PARD3B: variants seen among roughly 807,000 people sequenced by gnomAD.
PARD3B encodes the protein par-3 family cell polarity regulator beta.
Under a neutral mutation model 130.2 loss-of-function variants are expected in PARD3B, and 103 were observed. The observed-to-expected ratio is 0.79, with a 90% CI of 0.67 to 0.93. PARD3B has a LOEUF of 0.93. Among genes scored for constraint, PARD3B ranks in the 40% least tolerant of loss-of-function variants. The probability of loss-of-function intolerance (pLI) is 0.00; values close to 1 mark genes in which losing one functional copy is unlikely to be tolerated. For missense variants in PARD3B, 1,609 were observed against 1,499.2 expected, an observed-to-expected ratio of 1.07 and a Z score of -1.21; for synonymous variants, 583 against 553.2, an observed-to-expected ratio of 1.05 and a Z score of -0.76.
chr2:204,759,352 C>T (rs199938741), intron 2 of PARD3B, among the ~76,000 whole-genome samples: 5 of 152,036 alleles, frequency 3.3e-5, no homozygotes, highest in Admixed American at 1.3e-4. Context: ...CTTTCCATGG[C>T]GCACCCACAG....
intron 22 of PARD3B, among the ~76,000 whole-genome samples, chr2:205,574,796 A>G (rs2053687139): frequency 1.3e-5 from 2 of 151,558 alleles, no homozygotes; most frequent in African/African-American, 4.9e-5. Context: ...GGAGATGGGG[A>G]AAGAAGGTAA....
rs200558721 is a variant in PARD3B, at chr2:205,301,691, G to A, written c.2620G>A (p.Ala874Thr). The A allele has an allele frequency of 1.9e-5, 31 of 1,613,898 alleles. No individual in the cohort carries two copies. The highest frequency in any genetic ancestry group is 1.1e-4 in the East Asian group (5 of 44,886). ...GAAAATAAAGAAGAAGGGCTTCGGC[G>A]CCATGCTGAGGTATGGGCCTGCTTT... ...ERKIKKKGFG[A>T]MLRFGKKKED... The change falls in exon 18 of 23, where the codon GCC (alanine) becomes ACC (threonine). Residue 874 changes from alanine (A) to threonine (T), a missense_variant. Transcript: ENST00000406610. This position sits in a 1 kb window ranked among gnomAD's most constrained non-coding sequence, Gnocchi z 5.2.
chr2:205,206,216 C>CTTTTTT (rs201694463), intron 15 of PARD3B, among the ~76,000 whole-genome samples: 1 of 127,890 alleles, frequency 7.8e-6, no homozygotes, highest in African/African-American at 2.9e-5. Context: ...TTTTTTTTTT[C>CTTTTTT]TTTTTTTTTT....
intron 4 of PARD3B, among the ~76,000 whole-genome samples, chr2:205,069,987 C>T (rs971461812): frequency 6.6e-6 from 1 of 152,116 alleles, no homozygotes; most frequent in African/African-American, 2.4e-5. Flanking sequence ...CTGTGATACC[C>T]CACCCTTGGC....
chr2:205,389,544 G>A (rs1044884752), intron 18 of PARD3B, among the ~76,000 whole-genome samples: 6 of 151,992 alleles, frequency 3.9e-5, no homozygotes, highest in Non-Finnish European at 5.9e-5. Context: ...TGTATTTTTA[G>A]TAGAAACAGG....
intron 20 of PARD3B, among the ~76,000 whole-genome samples, chr2:205,457,654 ATTTTT>A (rs1028414434): frequency 4.0e-5 from 6 of 151,558 alleles, no homozygotes; most frequent in Non-Finnish European, 7.4e-5. Flanking sequence ...TTTCATCTTT[ATTTTT>A]AAGGATATTT....
At chr2:204,817,688 C>T (rs1212917500) in intron 2 of PARD3B, among the ~76,000 whole-genome samples, 3 of 152,112 alleles carry the variant, frequency 2.0e-5, no homozygotes, top group Non-Finnish European at 4.4e-5. Flanking sequence ...TGAAATGTAG[C>T]TGCTTTGGAC....
chr2:205,393,411 G>C (rs1161238642), intron 18 of PARD3B, among the ~76,000 whole-genome samples: 1 of 152,182 alleles, frequency 6.6e-6, no homozygotes, highest in Non-Finnish European at 1.5e-5. Flanking sequence ...GAAGTTTGTA[G>C]GTTTTCACAT....
chr2:204,606,872 G>A lies in PARD3B; in HGVS notation c.120+60753G>A, dbSNP rs1484878784. Among the ~76,000 whole-genome samples the A allele has an allele frequency of 1.3e-5, 2 of 152,124 alleles. No homozygotes were observed. Among genetic ancestry groups the A allele is most frequent in the Non-Finnish European group, 2.9e-5 (2 of 68,014 alleles). The stretch of plus-strand genomic sequence containing the variant: ...ATCTTAAAGTAGCAGTTTTGTTTGT[G>A]TGTGTGGTTTTTCTGGGAAATATTA... On this transcript the variant is annotated intron_variant, in intron 1 of 22. Transcript: ENST00000406610. This position sits in a 1 kb window ranked among gnomAD's most constrained non-coding sequence, Gnocchi z 4.0.
At chr2:205,143,612 G>A (rs555695114) in intron 10 of PARD3B, among the ~76,000 whole-genome samples, 2 of 152,178 alleles carry the variant, frequency 1.3e-5, no homozygotes, top group Non-Finnish European at 2.9e-5. Flanking sequence ...CACGGGAGAG[G>A]AACACTTGGA....
At chr2:204,950,576 G>C (rs1024711245) in intron 2 of PARD3B, among the ~76,000 whole-genome samples, 1 of 152,138 alleles carries the variant, frequency 6.6e-6, no homozygotes, top group African/African-American at 2.4e-5. Context: ...CAGGCCATTT[G>C]TGGGGGCCTT....
intron 18 of PARD3B, among the ~76,000 whole-genome samples, chr2:205,334,525 T>C (rs2043242351): frequency 6.6e-6 from 1 of 152,210 alleles, no homozygotes; most frequent in Non-Finnish European, 1.5e-5. Context: ...AATAACATTG[T>C]AACCTCAAAG....
intron 2 of PARD3B, among the ~76,000 whole-genome samples, chr2:204,787,639 A>G (rs955581488): frequency 2.0e-4 from 31 of 152,190 alleles, no homozygotes; most frequent in African/African-American, 7.2e-4. Context: ...TAGCCAATTC[A>G]TGTTCAGGTA....
At chr2:205,109,861 C>A (rs1160518346) in intron 5 of PARD3B, among the ~76,000 whole-genome samples, 2 of 151,872 alleles carry the variant, frequency 1.3e-5, no homozygotes, top group Admixed American at 1.3e-4. Context: ...TCCATGGTGG[C>A]CAGGCTGGTC....
At chr2:205,025,793 C>A (rs7593901) in intron 3 of PARD3B, among the ~76,000 whole-genome samples, 2 of 152,018 alleles carry the variant, frequency 1.3e-5, no homozygotes, top group African/African-American at 4.8e-5. Context: ...CCCCAACCAC[C>A]GAACACGATG....
chr2:205,493,923 A>AT (rs1163350039), intron 20 of PARD3B, among the ~76,000 whole-genome samples: 9 of 150,564 alleles, frequency 6.0e-5, no homozygotes, highest in South Asian at 4.2e-4. Context: ...ATACCAGCTA[A>AT]TTTTTTTTTG....
rs2039202293 is a variant in PARD3B, at chr2:205,238,856, A to ATATATATATATATGTATGTGTG, written c.2141-6909_2141-6908insGTATGTGTGTATATATATATAT. Reference sequence around the variant, plus strand: ...GTTTCAAAAAAAAAAAAAAATATATATATATATATATATATATATATGTAT... The same window carrying ATATATATATATATGTATGTGTG: ...GTTTCAAAAAAAAAAAAAAATATATATATATATATATATGTATGTGTGTATATATATATATATATATATGTAT... On this transcript the variant is annotated intron_variant, in intron 15 of 22. Coordinates refer to ENST00000406610, the MANE Select transcript of PARD3B (RefSeq NM_001302769.2). Among the ~76,000 whole-genome samples, 2 of 80,098 alleles carry ATATATATATATATGTATGTGTG rather than the reference A, an allele frequency of 2.5e-5. 1 individual carries two copies. Among genetic ancestry groups the ATATATATATATATGTATGTGTG allele is most frequent in the African/African-American group, 1.4e-4 (2 of 13,836 alleles). The allele number at this position is 80,098 out of a possible 152,430, so 52.5% of individuals were successfully genotyped here.
rs568701291 is a variant in PARD3B at position 205,311,694 on chromosome 2, A to C, written c.2630+9993A>C. On this transcript the variant is annotated intron_variant, in intron 18 of 22. Transcript: ENST00000406610. ...ACTACATAAAGAAAAGAAATGACAT[A>C]GCTAAAATCATTCAATCATTTATAT... is the stretch of plus-strand genomic sequence containing the variant. 5.9e-5 allele frequency among the ~76,000 whole-genome samples: 9 copies of C among 152,366 alleles called. No individual in the cohort carries two copies. The South Asian group carries it at 1.9e-3, about 32-fold the overall frequency.
chr2:204,585,496 G>A (rs533001181), intron 1 of PARD3B, among the ~76,000 whole-genome samples: 11 of 149,242 alleles, frequency 7.4e-5, no homozygotes, highest in Non-Finnish European at 1.6e-4. Context: ...ACCATGCCTG[G>A]CTCTTTTTTT....
Sources: allele counts gnomAD v4.1 joint callset (sites outside exome capture counted in the v4.1 genomes callset), GRCh38; gene constraint gnomAD v4.1.1; non-coding constraint Gnocchi (gnomAD v3.1); transcripts MANE v1.5; gene names NCBI Gene and HGNC (gene_info 2026-07-23, HGNC 2026-07-21).